MZT2A: variants seen among roughly 807,000 people sequenced by gnomAD.
MZT2A encodes the protein mitotic-spindle organizing protein 2A.
MZT2A carries 8 observed loss-of-function variants against 12.4 expected under a neutral mutation model. That is an observed-to-expected ratio of 0.64 (90% confidence interval 0.38 to 1.16). The LOEUF (loss-of-function observed/expected upper bound fraction) is 1.16, where lower values mean the gene tolerates loss of function less well. Ranked by LOEUF, MZT2A falls within the 50% of genes most tolerant of loss-of-function variation. The probability of loss-of-function intolerance (pLI) is 0.01; values close to 1 mark genes in which losing one functional copy is unlikely to be tolerated. For synonymous variants in MZT2A, 88 were observed against 107.5 expected (o/e 0.82, Z 1.12); for missense variants, 181 against 223.6 (o/e 0.81, Z 1.22).
intron 3 of MZT2A, chr2:131,471,923 A>C: frequency 1.5e-6 from 1 of 683,914 alleles, no homozygotes; most frequent in Non-Finnish European, 2.0e-6. Flanking sequence ...CCCTAGAACC[A>C]GGCTTGGCCC....
At chr2:131,492,972 T>C, upstream of MZT2A, 1 of 1,520,440 alleles carries the variant, frequency 6.6e-7, no homozygotes, top group Non-Finnish European at 8.9e-7. Context: ...CGGCCGGCCT[T>C]CTTCGCTTTG....
intron 2 of MZT2A, among the ~76,000 whole-genome samples, 172 bp from the exon 3 acceptor site, chr2:131,484,390 G>A (rs899408887): frequency 6.3e-4 from 96 of 152,360 alleles, no homozygotes; most frequent in African/African-American, 2.2e-3. Context: ...ACTAAAGACA[G>A]GTCACGCCCC....
chr2:131,474,816 A>G (rs1678598211), intron 2 of MZT2A, among the ~76,000 whole-genome samples: 1 of 147,408 alleles, frequency 6.8e-6, no homozygotes, highest in African/African-American at 2.7e-5. Flanking sequence ...ACAACACAGC[A>G]AGACTTCTTC....
At chr2:131,493,506 C>T (rs535727099), upstream of MZT2A, among the ~76,000 whole-genome samples, 1 of 152,098 alleles carries the variant, frequency 6.6e-6, no homozygotes, top group African/African-American at 2.4e-5. Flanking sequence ...TCGACCCTTC[C>T]CCTGTGCGCT....
At chr2:131,471,458 G>A (rs1295272079) in intron 3 of MZT2A, among the ~76,000 whole-genome samples, 49 of 125,484 alleles carry the variant, frequency 3.9e-4, no homozygotes, top group African/African-American at 1.7e-3. Flanking sequence ...AAAAAAAAAA[G>A]AAAAAAAGAA....
At chr2:131,476,260 G>T in intron 2 of MZT2A, 2 of 1,613,208 alleles carry the variant, frequency 1.2e-6, no homozygotes, top group South Asian at 2.2e-5. Flanking sequence ...TTGGCCTCGG[G>T]TGGACAGAGG....
At chr2:131,479,691 T>A (rs532344727), downstream of MZT2A, among the ~76,000 whole-genome samples, 25 of 152,052 alleles carry the variant, frequency 1.6e-4, no homozygotes, top group Non-Finnish European at 3.1e-4. Context: ...AATACAAAAA[T>A]TAGCTGGGTG....
chr2:131,472,516 A>C (rs1175860623), intron 2 of MZT2A, among the ~76,000 whole-genome samples: 1 of 152,232 alleles, frequency 6.6e-6, no homozygotes, highest in Non-Finnish European at 1.5e-5. Flanking sequence ...AGAAAAATAA[A>C]TATTGCAGCC....
intron 2 of MZT2A, among the ~76,000 whole-genome samples, chr2:131,486,843 A>G (rs535991921): frequency 1.3e-5 from 2 of 152,174 alleles, no homozygotes; most frequent in African/African-American, 4.8e-5. Context: ...ATGTGAAACC[A>G]ACATAACCGT....
At chr2:131,484,434 G>C (rs886874872) in intron 2 of MZT2A, among the ~76,000 whole-genome samples, 31 of 152,340 alleles carry the variant, frequency 2.0e-4, no homozygotes, top group African/African-American at 7.0e-4. Context: ...GGACCCTTTA[G>C]GATGTGTCCT....
intron 2 of MZT2A, chr2:131,475,981 C>T: frequency 2.4e-6 from 2 of 830,948 alleles, no homozygotes; most frequent in Non-Finnish European, 3.7e-6. Context: ...TACATCCAAT[C>T]AGAGAGCGTC....
intron 2 of MZT2A, among the ~76,000 whole-genome samples, chr2:131,485,962 GC>G (rs1483191410): frequency 6.6e-6 from 1 of 151,638 alleles, no homozygotes; most frequent in Non-Finnish European, 1.5e-5. Context: ...GGATAGGACG[GC>G]CCTCCTTATG....
chr2:131,491,681 G>C (rs576848821), intron 2 of MZT2A, 195 bp downstream of exon 2: 1 of 802,810 alleles, frequency 1.2e-6, no homozygotes, highest in Non-Finnish European at 1.9e-6. Context: ...GCGTCCACCT[G>C]ACCTGGACGT....
At chr2:131,491,426 G>C in intron 2 of MZT2A, 1 of 274,992 alleles carries the variant, frequency 3.6e-6, no homozygotes, top group South Asian at 4.2e-5. Flanking sequence ...GACAGAGATC[G>C]AGACTGTCTT....
intron 2 of MZT2A, among the ~76,000 whole-genome samples, chr2:131,484,835 T>G (rs1291759959): frequency 1.3e-5 from 2 of 152,128 alleles, no homozygotes; most frequent in African/African-American, 4.8e-5. Flanking sequence ...CCTGCCACAG[T>G]CTGAACGCTT....
At chr2:131,490,542 T>C in intron 2 of MZT2A, 1 of 1,477,176 alleles carries the variant, frequency 6.8e-7, no homozygotes, top group Non-Finnish European at 9.0e-7. Context: ...CCACACCATG[T>C]CTCTAATAAA....
At chr2:131,492,499 CG>C, upstream of MZT2A, 1 of 1,129,126 alleles carries the variant, frequency 8.9e-7, no homozygotes, top group Non-Finnish European at 1.1e-6. Context: ...GCGGCGGGAG[CG>C]CGGGGACGGG....
chr2:131,487,726 G>A (rs1157493604), intron 2 of MZT2A, among the ~76,000 whole-genome samples: 1 of 152,212 alleles, frequency 6.6e-6, no homozygotes, highest in Non-Finnish European at 1.5e-5. Flanking sequence ...AAAATGTTGG[G>A]ATTACAGGTG....
downstream of MZT2A, chr2:131,480,461 G>A (rs958986034): frequency 1.9e-6 from 3 of 1,588,298 alleles, no homozygotes; most frequent in Non-Finnish European, 2.6e-6. Context: ...CGGAATTCCA[G>A]ACCAACCTAG....
Sources: allele counts gnomAD v4.1 joint callset (sites outside exome capture counted in the v4.1 genomes callset), GRCh38; gene constraint gnomAD v4.1.1; transcripts MANE v1.5; gene names NCBI Gene and HGNC (gene_info 2026-07-23, HGNC 2026-07-21).